SLC17A6: variants seen among roughly 807,000 people sequenced by gnomAD.
SLC17A6 encodes the protein vesicular glutamate transporter 2.
In SLC17A6, 35 loss-of-function variants were observed where a neutral mutation model predicts 67.1. That is an observed-to-expected ratio of 0.52 (90% CI 0.40 to 0.69). SLC17A6 has a LOEUF of 0.69. Ranked by LOEUF, SLC17A6 falls within the 30% of genes least tolerant of loss-of-function variation. SLC17A6 has a pLI of 0.00. For missense variants in SLC17A6, 588 were observed against 723.9 expected (o/e 0.81, Z 2.15); for synonymous variants, 285 against 252.3 (o/e 1.13, Z -1.23).
At chr11:22,362,262 C>A in intron 5 of SLC17A6, 1 of 461,402 alleles carries the variant, frequency 2.2e-6, no homozygotes. Context: ...AGCAATATGC[C>A]TTCAATCATG....
At chr11:22,339,133 TATATATATGTTATATATA>T (rs1855777648) in intron 1 of SLC17A6, among the ~76,000 whole-genome samples, 1 of 20,650 alleles carries the variant, frequency 4.8e-5, no homozygotes, top group Non-Finnish European at 1.2e-4. Context: ...ATATATGTTA[TATATATATGTTATATATA>T]GTTATATATA....
intron 2 of SLC17A6, 57 bp downstream of exon 2, chr11:22,341,837 C>A (rs1225754104): frequency 1.9e-6 from 3 of 1,588,952 alleles, no homozygotes; most frequent in Non-Finnish European, 8.6e-7. Context: ...CCTCGCAAAA[C>A]CACATCTCCT....
chr11:22,342,212 T>C (rs1171576436), intron 2 of SLC17A6, among the ~76,000 whole-genome samples: 1 of 152,190 alleles, frequency 6.6e-6, no homozygotes, highest in Non-Finnish European at 1.5e-5. Flanking sequence ...ATCAGCTGTG[T>C]TCATATCAGC....
chr11:22,368,995 C>T (rs1856143795), intron 7 of SLC17A6, among the ~76,000 whole-genome samples: 1 of 151,964 alleles, frequency 6.6e-6, no homozygotes, highest in Admixed American at 6.6e-5. Context: ...ACAGCCACAA[C>T]CAATACTAGC....
chr11:22,359,384 A>G, intron 3 of SLC17A6, 29 bp from the exon 4 acceptor site: 1 of 1,400,516 alleles, frequency 7.1e-7, no homozygotes, highest in Non-Finnish European at 9.8e-7. Context: ...TGAATCATTT[A>G]AACAGTGTTC....
intron 10 of SLC17A6, 77 bp downstream of exon 10, chr11:22,376,169 T>G: frequency 1.2e-6 from 1 of 849,694 alleles, no homozygotes; most frequent in South Asian, 1.9e-5. Context: ...ACATATACCT[T>G]TTTATAGATA....
chr11:22,352,728 G>A (rs1855954998), intron 3 of SLC17A6, among the ~76,000 whole-genome samples: 1 of 152,154 alleles, frequency 6.6e-6, no homozygotes, highest in Non-Finnish European at 1.5e-5. Context: ...TATCTGAGAG[G>A]AGACTAGTTG....
intron 3 of SLC17A6, among the ~76,000 whole-genome samples, chr11:22,343,739 T>TATCCTGCACTCC (rs562982598): frequency 2.0e-5 from 3 of 151,482 alleles, no homozygotes; most frequent in Non-Finnish European, 4.4e-5. Flanking sequence ...TGCTGCGCTC[T>TATCCTGCACTCC]CTCCTGCACT....
At chr11:22,364,866 A>G (rs1207073997) in intron 6 of SLC17A6, among the ~76,000 whole-genome samples, 1 of 152,196 alleles carries the variant, frequency 6.6e-6, no homozygotes, top group Non-Finnish European at 1.5e-5. Flanking sequence ...AAAAGGATTT[A>G]CAGCTTAGGG....
intron 3 of SLC17A6, among the ~76,000 whole-genome samples, chr11:22,346,540 G>A (rs944593189): frequency 6.6e-6 from 1 of 151,972 alleles, no homozygotes; most frequent in African/African-American, 2.4e-5. Context: ...ATTATGGGCT[G>A]GAGAATTTAG....
At chr11:22,341,195 C>A (rs1001009953) in intron 1 of SLC17A6, among the ~76,000 whole-genome samples, 3 of 152,186 alleles carry the variant, frequency 2.0e-5, no homozygotes, top group African/African-American at 7.2e-5. Flanking sequence ...AAATGCAGAC[C>A]CTGCAGATCC....
intron 3 of SLC17A6, among the ~76,000 whole-genome samples, chr11:22,355,438 C>T (rs963504216): frequency 6.6e-6 from 1 of 152,154 alleles, no homozygotes; most frequent in Non-Finnish European, 1.5e-5. Context: ...TGCAAGCCAT[C>T]ATCCTGGCTG....
Position 22,377,583 on chromosome 11 carries a change from T to A in SLC17A6, c.1592T>A (p.Ile531Asn), listed in dbSNP as rs1459554784. ...EDELDEETGDITQNYINYGTT... is the reference protein window; with the variant it reads ...EDELDEETGDNTQNYINYGTT... ...GAACTCGATGAAGAAACAGGGGACATTACTCAAAATTATATAAATTATGGT... is the reference window on the plus strand; with the variant it reads ...GAACTCGATGAAGAAACAGGGGACAATACTCAAAATTATATAAATTATGGT... The change falls in exon 12 of 12, where the codon ATT (isoleucine) becomes AAT (asparagine). Residue 531 changes from isoleucine (I) to asparagine (N), a missense_variant. Transcript: ENST00000263160. 6.2e-7 allele frequency: 1 copy of A among 1,614,130 alleles called. No homozygotes were observed. The highest frequency in any genetic ancestry group is 8.5e-7 in the Non-Finnish European group (1 of 1,180,002).
At chr11:22,370,841 G>T (rs1407020178) in intron 8 of SLC17A6, among the ~76,000 whole-genome samples, 1 of 147,520 alleles carries the variant, frequency 6.8e-6, no homozygotes, top group African/African-American at 2.7e-5. Flanking sequence ...ACAGACATTT[G>T]TTCAGAGCTA....
rs757491342 is a variant in SLC17A6 at position 22,341,621 on chromosome 11, C to T, written c.180C>T (p.Cys60=). The change falls in exon 2 of 12, where the codon TGC becomes TGT. Residue 60 remains cysteine (C), a synonymous_variant. Transcript: ENST00000263160. The part of the protein sequence containing the change: ...LEVPERKAPL[C]DCTCFGLPRR... The stretch of plus-strand genomic sequence containing the variant: ...TGCCCGAGAGGAAGGCGCCGCTGTG[C>T]GACTGCACGTGCTTCGGCCTGCCCC... 37 of 1,613,992 alleles carry T rather than the reference C, an allele frequency of 2.3e-5. No individual in the cohort carries two copies. The East Asian group carries it at 7.4e-4, about 32-fold the overall frequency.
intron 9 of SLC17A6, 127 bp downstream of exon 9, chr11:22,375,014 TTAAAA>T (rs1856217267): frequency 1.1e-6 from 1 of 917,338 alleles, no homozygotes; most frequent in Non-Finnish European, 1.6e-6. Context: ...CATTATTCAC[TTAAAA>T]TAACTTCCTC....
At chr11:22,351,488 G>A (rs1855938020) in intron 3 of SLC17A6, among the ~76,000 whole-genome samples, 1 of 151,916 alleles carries the variant, frequency 6.6e-6, no homozygotes, top group South Asian at 2.1e-4. Context: ...TTACTCTTGA[G>A]AAAACTGAAT....
intron 2 of SLC17A6, chr11:22,342,872 G>A (rs1386976630): frequency 4.4e-6 from 2 of 450,990 alleles, no homozygotes; most frequent in East Asian, 6.9e-5. Context: ...TGCATTGGCC[G>A]GATTCGTTAA....
intron 3 of SLC17A6, among the ~76,000 whole-genome samples, chr11:22,354,116 T>C (rs1855972446): frequency 6.6e-6 from 1 of 151,892 alleles, no homozygotes; most frequent in Non-Finnish European, 1.5e-5. Context: ...AGAGTTTTGC[T>C]CTTGTTGCCC....
Sources: gnomAD v4.1 joint callset for allele counts (sites outside exome capture counted in the v4.1 genomes callset) on GRCh38, gnomAD v4.1.1 for gene constraint, MANE v1.5 for transcripts, NCBI Gene and HGNC (gene_info 2026-07-23, HGNC 2026-07-21) for gene names.